PTPRG: variants seen among roughly 807,000 people sequenced by gnomAD.
PTPRG encodes protein tyrosine phosphatase receptor type G.
PTPRG carries 102 observed loss-of-function variants against 165.3 expected under a neutral mutation model. The ratio of observed to expected loss-of-function variants is 0.62; its 90% confidence interval spans 0.53 to 0.73. PTPRG has a LOEUF of 0.73. Among genes scored for constraint, PTPRG ranks in the 30% least tolerant of loss-of-function variants. PTPRG has a pLI of 0.00. For missense variants in PTPRG, 1,866 were observed against 1,861.4 expected, an observed-to-expected ratio of 1.00 and a Z score of -0.05; for synonymous variants, 675 against 669.5, an observed-to-expected ratio of 1.01 and a Z score of -0.13.
chr3:62,078,042 G>A lies in PTPRG; in HGVS notation c.520-121G>A, dbSNP rs1196366760. 3 of 656,174 alleles carry A rather than the reference G, an allele frequency of 4.6e-6. No individual in the cohort carries two copies. In the East Asian group the frequency reaches 9.2e-5, roughly 20 times the overall value. 40.6% of individuals were successfully genotyped at this position (656,174 alleles called of 1,614,324 possible). On this transcript the variant is annotated intron_variant, in intron 4 of 29. Coordinates refer to ENST00000474889, the MANE Select transcript of PTPRG (RefSeq NM_002841.4). ...GTTAGCAAAGGAAAAATATGAACAG[G>A]TGAATAAATTTGGCAAAATCTTATT... is the stretch of plus-strand genomic sequence containing the variant.
chr3:62,292,031 A>T (rs1383690481), intron 28 of PTPRG, among the ~76,000 whole-genome samples: 1 of 152,138 alleles, frequency 6.6e-6, no homozygotes, highest in Non-Finnish European at 1.5e-5. Context: ...TTAAAAAAAA[A>T]TTCAGAGCCC....
At chr3:62,101,840 C>T (rs911270903) in intron 5 of PTPRG, among the ~76,000 whole-genome samples, 3 of 152,222 alleles carry the variant, frequency 2.0e-5, no homozygotes, top group African/African-American at 7.2e-5. Flanking sequence ...TCTTCAAAAA[C>T]AGTTGTACCA....
chr3:62,278,415 C>G (rs1702309704), intron 26 of PTPRG, among the ~76,000 whole-genome samples: 1 of 152,004 alleles, frequency 6.6e-6, no homozygotes, highest in African/African-American at 2.4e-5. Flanking sequence ...AGTCTCTAAA[C>G]TATACAGAAG....
At chr3:61,698,641 T>G (rs1358495053) in intron 1 of PTPRG, among the ~76,000 whole-genome samples, 8 of 152,174 alleles carry the variant, frequency 5.3e-5, no homozygotes, top group African/African-American at 1.2e-4. Context: ...TTAAGAATTA[T>G]TGAATAGGAC....
At chr3:61,837,241 T>G (rs896473057) in intron 2 of PTPRG, among the ~76,000 whole-genome samples, 20 of 152,204 alleles carry the variant, frequency 1.3e-4, no homozygotes, top group African/African-American at 4.8e-4. Context: ...AGAGACAGTG[T>G]TTTGCCATGT....
intron 5 of PTPRG, among the ~76,000 whole-genome samples, chr3:62,129,020 C>G: frequency 6.6e-6 from 1 of 152,122 alleles, no homozygotes. Flanking sequence ...AGCCAATAAT[C>G]TCCATTTTCT....
chr3:62,291,728 C>G (rs1576234865), intron 28 of PTPRG, among the ~76,000 whole-genome samples: 1 of 152,288 alleles, frequency 6.6e-6, no homozygotes, highest in African/African-American at 2.4e-5. Flanking sequence ...CATCTGTTTT[C>G]TCATCACTAA....
rs552364668 is a variant in PTPRG at position 61,869,747 on chromosome 3, T to TTTTTGTTTTGTTTTG, written c.191-119857_191-119843dup. On this transcript the variant is annotated intron_variant, in intron 2 of 29. Transcript: ENST00000474889. ...GTGCACGCCACCCTGCCTGGCTAAT[T>TTTTTGTTTTGTTTTG]TTTTGTTTTGTTTTGTTTTGTTTTG... Among the ~76,000 whole-genome samples, 131 of 151,294 alleles carry TTTTTGTTTTGTTTTG rather than the reference T, an allele frequency of 8.7e-4. 3 individuals are homozygous for TTTTTGTTTTGTTTTG. Among genetic ancestry groups the TTTTTGTTTTGTTTTG allele is most frequent in the Middle Eastern group, 6.8e-3 (2 of 294 alleles).
At chr3:62,196,066 G>A (rs1244949353) in intron 10 of PTPRG, among the ~76,000 whole-genome samples, 2 of 151,986 alleles carry the variant, frequency 1.3e-5, no homozygotes, top group Non-Finnish European at 1.5e-5. Context: ...GAGATTACAG[G>A]CGTGAGCCAC....
At position 62,060,823 on chromosome 3, in the gene PTPRG, G is replaced by A. The variant is rs116079417; in HGVS notation, c.520-17340G>A. Among the ~76,000 whole-genome samples, 421 of 152,190 alleles carry A rather than the reference G, an allele frequency of 2.8e-3. 3 individuals are homozygous for A. The highest frequency in any genetic ancestry group is 9.6e-3 in the African/African-American group (399 of 41,514). ...GTTAAATATCTTATAGATTGTTTAA[G>A]GTTTTCTGCCCTCCTTTATCTGAAA... On this transcript the variant is annotated intron_variant, in intron 4 of 29. Transcript: ENST00000474889.
intron 6 of PTPRG, among the ~76,000 whole-genome samples, chr3:62,134,008 T>A (rs556582386): frequency 6.6e-6 from 1 of 152,184 alleles, no homozygotes; most frequent in Non-Finnish European, 1.5e-5. Context: ...TATATTTCCA[T>A]TGTTTCTTCC....
intron 1 of PTPRG, among the ~76,000 whole-genome samples, chr3:61,598,373 G>C (rs1286252995): frequency 6.6e-6 from 1 of 152,166 alleles, no homozygotes; most frequent in Non-Finnish European, 1.5e-5. Flanking sequence ...GTGAGGCAGC[G>C]CAGCTAGTGT....
intron 2 of PTPRG, among the ~76,000 whole-genome samples, chr3:61,890,681 G>T (rs571328936): frequency 6.6e-6 from 1 of 152,130 alleles, no homozygotes; most frequent in Non-Finnish European, 1.5e-5. Context: ...AGAGTTTTCA[G>T]TGTAAAAATT....
At chr3:61,888,322 G>GTTTT (rs745595266) in intron 2 of PTPRG, among the ~76,000 whole-genome samples, 3 of 149,498 alleles carry the variant, frequency 2.0e-5, no homozygotes, top group African/African-American at 7.6e-5. Context: ...AAAATGGGTT[G>GTTTT]TTTTTTTTGT....
In PTPRG at chr3:61,561,989, G is replaced by A. The variant is rs1699766685; in HGVS notation, c.-299G>A. 2.0e-5 allele frequency: 5 copies of A among 254,184 alleles called. No individual in the cohort carries two copies. The highest frequency in any genetic ancestry group is 3.7e-5 in the Non-Finnish European group (5 of 135,564). 15.7% of individuals were successfully genotyped at this position (254,184 alleles called of 1,614,324 possible). A position where few individuals can be genotyped will look rare whatever the true frequency, so the allele number is the denominator to read the frequency against. ...CCCCAGGCCCGGGGCATCGCCGCCG[G>A]CCGCCGACTCCGCGCCCTGCCCGAT... is the stretch of plus-strand genomic sequence containing the variant. On this transcript the variant is annotated 5_prime_UTR_variant, in exon 1 of 30. Coordinates refer to ENST00000474889, the MANE Select transcript of PTPRG (RefSeq NM_002841.4).
intron 4 of PTPRG, among the ~76,000 whole-genome samples, chr3:62,010,042 C>T (rs186573610): frequency 6.6e-5 from 10 of 152,256 alleles, no homozygotes; most frequent in Admixed American, 1.3e-4. Context: ...CTCAGCCTCC[C>T]GAGTAGCTGG....
At chr3:61,884,833 A>G (rs981955711) in intron 2 of PTPRG, among the ~76,000 whole-genome samples, 2 of 152,196 alleles carry the variant, frequency 1.3e-5, no homozygotes, top group Non-Finnish European at 2.9e-5. Flanking sequence ...TGCCATTACT[A>G]CTAAACTCTA....
intron 2 of PTPRG, among the ~76,000 whole-genome samples, chr3:61,800,350 G>A (rs957574919): frequency 6.6e-6 from 1 of 151,652 alleles, no homozygotes; most frequent in African/African-American, 2.4e-5. Flanking sequence ...AAATTCTTTG[G>A]GTCAAAAATA....
intron 2 of PTPRG, among the ~76,000 whole-genome samples, chr3:61,754,411 A>G (rs1048890037): frequency 2.6e-5 from 4 of 152,218 alleles, no homozygotes; most frequent in African/African-American, 7.2e-5. Context: ...CACTGTTCAT[A>G]TAAACATCTT....
Sources: gnomAD v4.1 joint callset for allele counts (sites outside exome capture counted in the v4.1 genomes callset) on GRCh38, gnomAD v4.1.1 for gene constraint, MANE v1.5 for transcripts, NCBI Gene and HGNC (gene_info 2026-07-23, HGNC 2026-07-21) for gene names.